The following ZNF148 variants were observed in gnomAD, a reference collection of about 807,000 sequenced individuals.
ZNF148 encodes zinc finger protein 148.
A neutral mutation model predicts 67.7 loss-of-function variants in ZNF148; 7 were observed. That is an observed-to-expected ratio of 0.10 (90% confidence interval 0.06 to 0.19). The LOEUF (loss-of-function observed/expected upper bound fraction) is 0.19. Ranked by LOEUF, ZNF148 falls within the 10% of genes least tolerant of loss-of-function variation. The pLI is 1.00. For missense variants in ZNF148, 583 were observed against 947.1 expected (o/e 0.62, Z 5.05); for synonymous variants, 333 against 330.7 (o/e 1.01, Z -0.08).
At chr3:125,262,309 G>A (rs991399395) in intron 7 of ZNF148, among the ~76,000 whole-genome samples, 4 of 152,196 alleles carry the variant, frequency 2.6e-5, no homozygotes, top group Non-Finnish European at 4.4e-5. Context: ...AGAGTAGGCA[G>A]AGTTGCACAA....
intron 5 of ZNF148, among the ~76,000 whole-genome samples, chr3:125,283,603 C>G (rs1011620886): frequency 6.6e-6 from 1 of 152,000 alleles, no homozygotes; most frequent in African/African-American, 2.4e-5. Flanking sequence ...TTTTGCCAAT[C>G]TTCTTCCTTC....
At chr3:125,345,259 T>C (rs1175112230) in intron 1 of ZNF148, among the ~76,000 whole-genome samples, 3 of 152,086 alleles carry the variant, frequency 2.0e-5, no homozygotes, top group East Asian at 3.8e-4. Context: ...AATCTCTAAA[T>C]AGAGCAATAA....
intron 5 of ZNF148, among the ~76,000 whole-genome samples, chr3:125,281,402 G>C (rs1044874312): frequency 4.6e-5 from 7 of 152,056 alleles, no homozygotes; most frequent in Non-Finnish European, 8.8e-5. Context: ...CAAACAAAAA[G>C]ATGTTAAATA....
chr3:125,313,550 C>T lies in ZNF148; in HGVS notation c.91G>A (p.Gly31Arg), dbSNP rs1195614398. 11 of 1,614,068 alleles carry T rather than the reference C, an allele frequency of 6.8e-6. No individual in the cohort carries two copies. The highest frequency in any genetic ancestry group is 8.5e-6 in the Non-Finnish European group (10 of 1,180,032). ...QSSRTMVVMG[G>R]VSGQSTVSGE... ...GACACAGTAGACTGGCCAGACACTC[C>T]ACCCATTACAACCATTGTCCTGGAA... Residue 31 changes from glycine to arginine, a missense_variant, in exon 4 of 9, where the codon GGA becomes AGA. Physicochemically the swap from Gly to Arg is moderately radical, Grantham distance 125. This residue lies in a region of ZNF148 where 150 missense variants were observed against 202.5 expected (regional missense o/e 0.74). Transcript: ENST00000360647.
intron 1 of ZNF148, among the ~76,000 whole-genome samples, chr3:125,334,855 A>T (rs1346168809): frequency 6.6e-6 from 1 of 151,464 alleles, no homozygotes; most frequent in East Asian, 1.9e-4. Flanking sequence ...CCCCTTGTTC[A>T]CTCCACTCCA....
chr3:125,360,816 A>C (rs553396880), intron 1 of ZNF148, among the ~76,000 whole-genome samples: 1 of 145,990 alleles, frequency 6.8e-6, no homozygotes. Context: ...ACATCTCTTT[A>C]AAAAAAAAAA....
At chr3:125,339,679 A>T (rs963208386) in intron 1 of ZNF148, among the ~76,000 whole-genome samples, 2 of 152,194 alleles carry the variant, frequency 1.3e-5, no homozygotes, top group African/African-American at 4.8e-5. Context: ...ATATAATTGG[A>T]TTGTTGGTAA....
intron 7 of ZNF148, among the ~76,000 whole-genome samples, chr3:125,236,223 A>T (rs976199939): frequency 1.3e-5 from 2 of 151,888 alleles, no homozygotes; most frequent in Non-Finnish European, 2.9e-5. Flanking sequence ...TTACACAATT[A>T]AAAAAAAATT....
chr3:125,315,488 C>T (rs1488900171), intron 3 of ZNF148, among the ~76,000 whole-genome samples: 24 of 152,008 alleles, frequency 1.6e-4, no homozygotes, highest in Non-Finnish European at 7.4e-5. Context: ...GCGGGCAGAT[C>T]AGCAGGTCAG....
rs1287948886 is a variant in ZNF148, at chr3:125,226,654, T to G, written c.*5687A>C. The G allele has an allele frequency of 6.6e-6, 1 of 152,614 alleles. No individual in the cohort carries two copies. Among genetic ancestry groups the G allele is most frequent in the Non-Finnish European group, 1.5e-5 (1 of 68,020 alleles). The allele number at this position is 152,614 out of a possible 1,614,324, so 9.5% of individuals were successfully genotyped here. On this transcript the variant is annotated 3_prime_UTR_variant, in exon 9 of 9. Coordinates refer to ENST00000360647, the MANE Select transcript of ZNF148 (RefSeq NM_021964.3). ...CAAGCTGTCACTGTATTATAAAGGC[T>G]CAGCAATTCATTCATGGCATAATAT...
chr3:125,296,339 T>G (rs1939284479), intron 4 of ZNF148, among the ~76,000 whole-genome samples: 2 of 152,164 alleles, frequency 1.3e-5, no homozygotes, highest in Admixed American at 6.5e-5. Flanking sequence ...GCCAAGCTGG[T>G]CTCAAATTCC....
chr3:125,294,978 C>T (rs1416909404), intron 4 of ZNF148, among the ~76,000 whole-genome samples: 2 of 152,174 alleles, frequency 1.3e-5, no homozygotes, highest in African/African-American at 4.8e-5. Context: ...AGATCAAATA[C>T]CTTTCAGTCC....
intron 3 of ZNF148, among the ~76,000 whole-genome samples, chr3:125,319,546 T>C (rs1940677605): frequency 6.6e-6 from 1 of 152,190 alleles, no homozygotes; most frequent in South Asian, 2.1e-4. Context: ...TTTTTTGTAA[T>C]GGGAGTTTTA....
rs535576455 is a variant in ZNF148, at chr3:125,371,462, C to T, written c.-234+3640G>A. 7.4e-5 allele frequency among the ~76,000 whole-genome samples: 11 copies of T among 148,986 alleles called. No individual in the cohort carries two copies. The South Asian group carries it at 2.4e-3, about 32-fold the overall frequency. On this transcript the variant is annotated intron_variant, in intron 1 of 8. Coordinates refer to ENST00000360647, the MANE Select transcript of ZNF148 (RefSeq NM_021964.3). Reference sequence around the variant, plus strand: ...CGGACAGATCATGAGGTCAGGAGATCGAGACCATCTACAGTGAAACCCTGT... The same window carrying T: ...CGGACAGATCATGAGGTCAGGAGATTGAGACCATCTACAGTGAAACCCTGT...
chr3:125,242,005 G>A (rs979056822), intron 7 of ZNF148, among the ~76,000 whole-genome samples: 3 of 152,112 alleles, frequency 2.0e-5, no homozygotes, highest in Admixed American at 6.6e-5. Flanking sequence ...CATCTTCTGC[G>A]AACTGTCTGC....
intron 1 of ZNF148, among the ~76,000 whole-genome samples, chr3:125,343,708 C>T (rs903048519): frequency 2.0e-5 from 3 of 152,200 alleles, no homozygotes; most frequent in East Asian, 1.9e-4. Context: ...AGCAGCAATC[C>T]GCTCGGGTCC....
chr3:125,335,494 G>T (rs922077243), intron 1 of ZNF148, among the ~76,000 whole-genome samples: 1 of 152,148 alleles, frequency 6.6e-6, no homozygotes, highest in African/African-American at 2.4e-5. Context: ...AAAAAGACTT[G>T]ACTGTCTTAA....
At chr3:125,333,416 C>A (rs887265899) in intron 1 of ZNF148, among the ~76,000 whole-genome samples, 1 of 152,188 alleles carries the variant, frequency 6.6e-6, no homozygotes, top group African/African-American at 2.4e-5. Context: ...CACAATTTCC[C>A]CCAAGTCACC....
intron 4 of ZNF148, chr3:125,311,028 C>T (rs1393690154): frequency 1.5e-5 from 3 of 204,098 alleles, no homozygotes; most frequent in Admixed American, 4.6e-5. Context: ...CAGGCTATGA[C>T]CTCAACGGTG....
Sources: gnomAD v4.1 joint callset for allele counts (sites outside exome capture counted in the v4.1 genomes callset) on GRCh38, gnomAD v4.1.1 for gene constraint, gnomAD v4.1.1 regional missense constraint, MANE v1.5 for transcripts, NCBI Gene and HGNC (gene_info 2026-07-23, HGNC 2026-07-21) for gene names.